ROBO2: variants seen among roughly 807,000 people sequenced by gnomAD.
ROBO2 encodes roundabout guidance receptor 2.
A neutral mutation model predicts 160.8 loss-of-function variants in ROBO2; 53 were observed. The ratio of observed to expected loss-of-function variants is 0.33; its 90% CI spans 0.26 to 0.41. The LOEUF (loss-of-function observed/expected upper bound fraction) is 0.41, where lower values mean the gene tolerates loss of function less well. ROBO2 is among the 10% of genes least tolerant of loss of function. The pLI, the probability that ROBO2 is intolerant of heterozygous loss-of-function variation, is 1.00. For missense variants in ROBO2, 1,577 were observed against 1,722.4 expected, an observed-to-expected ratio of 0.92 and a Z score of 1.49; for synonymous variants, 664 against 611.7, an observed-to-expected ratio of 1.09 and a Z score of -1.26.
intron 5 of ROBO2, among the ~76,000 whole-genome samples, chr3:77,510,332 A>T (rs528657779): frequency 6.6e-6 from 1 of 152,200 alleles, no homozygotes; most frequent in East Asian, 1.9e-4. Flanking sequence ...TAAGCAGGGT[A>T]GAGAAAATAA....
At chr3:76,789,839 G>T (rs570894297) in intron 2 of ROBO2, among the ~76,000 whole-genome samples, 1 of 151,662 alleles carries the variant, frequency 6.6e-6, no homozygotes, top group East Asian at 2.0e-4. Context: ...AAATTAACAA[G>T]TCCATGAGGA....
intron 2 of ROBO2, among the ~76,000 whole-genome samples, chr3:76,768,864 AT>A (rs2061718304): frequency 6.6e-6 from 1 of 151,334 alleles, no homozygotes; most frequent in African/African-American, 2.4e-5. Context: ...GGCTAAACAA[AT>A]CTATATATCT....
chr3:76,305,485 G>A (rs891308399), intron 2 of ROBO2, among the ~76,000 whole-genome samples: 1 of 150,756 alleles, frequency 6.6e-6, no homozygotes, highest in Non-Finnish European at 1.5e-5. Context: ...CATCGGCAGG[G>A]TGTGGTGATT....
At chr3:76,729,827 G>A (rs1029436408) in intron 2 of ROBO2, among the ~76,000 whole-genome samples, 2 of 151,926 alleles carry the variant, frequency 1.3e-5, no homozygotes, top group African/African-American at 4.8e-5. Flanking sequence ...TAGTAGAGAC[G>A]AGGTTTTGCC....
chr3:76,342,681 A>G (rs375886141), intron 2 of ROBO2, among the ~76,000 whole-genome samples: 10 of 152,154 alleles, frequency 6.6e-5, no homozygotes, highest in Admixed American at 5.2e-4. Flanking sequence ...CTAGCAAGAC[A>G]GAGAAAAAAA....
At chr3:76,991,081 T>C (rs2149370124) in intron 2 of ROBO2, among the ~76,000 whole-genome samples, 1 of 152,226 alleles carries the variant, frequency 6.6e-6, no homozygotes, top group African/African-American at 2.4e-5. Context: ...TGTACTTAAC[T>C]TTCTTTTCAT....
intron 2 of ROBO2, among the ~76,000 whole-genome samples, chr3:76,139,095 A>G (rs532377547): frequency 6.6e-6 from 1 of 152,260 alleles, no homozygotes; most frequent in Non-Finnish European, 1.5e-5. Flanking sequence ...CACTAAATGT[A>G]TTAGAGCGTG....
chr3:77,459,974 T>A lies in ROBO2; in HGVS notation c.389-17440T>A, dbSNP rs535008024. Reference sequence around the variant, plus strand: ...TGGGGGGGTCCTTCGGAGAATTTTATGTAAAAAGATGTTAACATTTATTTT... The same window carrying A: ...TGGGGGGGTCCTTCGGAGAATTTTAAGTAAAAAGATGTTAACATTTATTTT... On this transcript the variant is annotated intron_variant, in intron 2 of 25. Transcript: ENST00000461745. Among the ~76,000 whole-genome samples the A allele has an allele frequency of 5.3e-4, 80 of 152,118 alleles. No individual in the cohort carries two copies. In the Middle Eastern group the frequency reaches 0.02, roughly 39 times the overall value.
At chr3:77,388,153 C>T (rs538367468) in intron 2 of ROBO2, among the ~76,000 whole-genome samples, 2 of 152,080 alleles carry the variant, frequency 1.3e-5, no homozygotes, top group Admixed American at 1.3e-4. Flanking sequence ...CACACACACA[C>T]ACACACACAC....
At chr3:76,749,165 C>A (rs867982366) in intron 2 of ROBO2, among the ~76,000 whole-genome samples, 2 of 151,462 alleles carry the variant, frequency 1.3e-5, no homozygotes, top group African/African-American at 4.8e-5. Flanking sequence ...TAAATATAAT[C>A]TTTCAATGTT....
chr3:76,576,707 T>TC (rs1230583499), intron 2 of ROBO2, among the ~76,000 whole-genome samples: 1 of 138,106 alleles, frequency 7.2e-6, no homozygotes, highest in East Asian at 2.0e-4. Context: ...CTTTCTTTTT[T>TC]TTTTTTTTTT....
At chr3:76,861,912 A>C (rs928597553) in intron 2 of ROBO2, among the ~76,000 whole-genome samples, 5 of 152,134 alleles carry the variant, frequency 3.3e-5, no homozygotes, top group Non-Finnish European at 7.3e-5. Context: ...CCATAAGTAA[A>C]ATGGCTTAAC....
At chr3:76,874,560 C>A (rs2072495965) in intron 2 of ROBO2, among the ~76,000 whole-genome samples, 2 of 152,146 alleles carry the variant, frequency 1.3e-5, no homozygotes, top group Non-Finnish European at 2.9e-5. Context: ...CCTGCACTTC[C>A]ACCGCAGCTT....
At chr3:76,993,597 G>T (rs1485972314) in intron 2 of ROBO2, among the ~76,000 whole-genome samples, 1 of 152,108 alleles carries the variant, frequency 6.6e-6, no homozygotes, top group Non-Finnish European at 1.5e-5. Context: ...GTCACTCATA[G>T]GTAAGTGTGA....
At chr3:76,085,542 AC>A (rs1363268526) in intron 2 of ROBO2, among the ~76,000 whole-genome samples, 1 of 152,168 alleles carries the variant, frequency 6.6e-6, no homozygotes. Context: ...CTTAGCGGTC[AC>A]CACTTCATTC....
rs150748075 is a variant in ROBO2, at chr3:75,948,369, A to G, written c.109+10767A>G. Among the ~76,000 whole-genome samples the G allele has an allele frequency of 2.2e-4, 34 of 152,246 alleles. No homozygotes were observed. In the East Asian group the frequency reaches 6.2e-3, roughly 28 times the overall value. On this transcript the variant is annotated intron_variant, in intron 2 of 26. Transcript: ENST00000487694. ...AAAACATCAAACTCTCCTGATGAGG[A>G]GAATGCTAATCATGACTCTAATAAT...
chr3:77,118,487 G>A (rs1416890730), intron 2 of ROBO2, among the ~76,000 whole-genome samples: 1 of 152,130 alleles, frequency 6.6e-6, no homozygotes, highest in Non-Finnish European at 1.5e-5. Flanking sequence ...ATTCTTAAAT[G>A]TGATGCCTAG....
At chr3:76,376,643 CTT>C (rs62668760) in intron 2 of ROBO2, among the ~76,000 whole-genome samples, 7,496 of 152,076 alleles carry the variant, frequency 0.049, 472 homozygotes, top group African/African-American at 0.14. Flanking sequence ...AAAAGAAAGT[CTT>C]TATTTTGCCA....
intron 2 of ROBO2, among the ~76,000 whole-genome samples, chr3:76,732,506 G>A (rs922225799): frequency 6.6e-6 from 1 of 152,072 alleles, no homozygotes; most frequent in Non-Finnish European, 1.5e-5. Flanking sequence ...CTGACCAATA[G>A]GCTGGGAAAT....
Sources: gnomAD v4.1 joint callset for allele counts (sites outside exome capture counted in the v4.1 genomes callset) on GRCh38, gnomAD v4.1.1 for gene constraint, MANE v1.5 for transcripts, NCBI Gene and HGNC (gene_info 2026-07-23, HGNC 2026-07-21) for gene names.